Variants in CSMD3 observed in about 807,000 individuals in gnomAD.
CSMD3 encodes CUB and Sushi multiple domains 3.
Under a neutral mutation model 435.2 loss-of-function variants are expected in CSMD3, and 177 were observed. The ratio of observed to expected loss-of-function variants is 0.41; its 90% CI spans 0.36 to 0.46. The LOEUF (loss-of-function observed/expected upper bound fraction) is 0.46, where lower values mean the gene tolerates loss of function less well. Among genes scored for constraint, CSMD3 ranks in the 20% least tolerant of loss-of-function variants. CSMD3 has a pLI of 0.34. For synonymous variants in CSMD3, 1,656 were observed against 1,520.5 expected (o/e 1.09, Z -2.07); for missense variants, 4,265 against 4,504.6 (o/e 0.95, Z 1.52).
At chr8:112,975,772 GA>G in intron 7 of CSMD3, 64 bp downstream of exon 7, 2 of 1,609,404 alleles carry the variant, frequency 1.2e-6, no homozygotes, top group Admixed American at 3.3e-5. Flanking sequence ...TCTCTAATTA[GA>G]ATCATTACCA....
At chr8:112,920,047 A>G (rs1243631659) in intron 10 of CSMD3, among the ~76,000 whole-genome samples, 1 of 151,884 alleles carries the variant, frequency 6.6e-6, no homozygotes, top group Non-Finnish European at 1.5e-5. Context: ...ACCATTATTA[A>G]AAATAATAAC....
intron 3 of CSMD3, among the ~76,000 whole-genome samples, chr8:113,204,513 T>A (rs912996898): frequency 2.0e-4 from 31 of 152,118 alleles, no homozygotes; most frequent in Non-Finnish European, 4.6e-4. Context: ...GAACAATTTT[T>A]AAATAAATTT....
At chr8:113,244,603 C>T (rs1475889713) in intron 3 of CSMD3, among the ~76,000 whole-genome samples, 1 of 152,078 alleles carries the variant, frequency 6.6e-6, no homozygotes, top group Non-Finnish European at 1.5e-5. Context: ...TGTGAGCCAC[C>T]GCGCCTGGCC....
chr8:113,258,973 T>C (rs760724945), intron 3 of CSMD3, among the ~76,000 whole-genome samples: 25 of 152,142 alleles, frequency 1.6e-4, no homozygotes, highest in Non-Finnish European at 3.4e-4. Context: ...AATCCCAATG[T>C]TTTTGGATGT....
At position 112,747,880 on chromosome 8, in the gene CSMD3, G is replaced by A. The variant is rs1356664916; in HGVS notation, c.1972+52282C>T. On this transcript the variant is annotated intron_variant, in intron 13 of 70. Coordinates refer to ENST00000297405, the MANE Select transcript of CSMD3 (RefSeq NM_198123.2). ...CGGGAGGCTGAGGCAGGAGAATGGC[G>A]TGAACCCGGAAGGCGGAGCTTGCAG... Among the ~76,000 whole-genome samples the A allele has an allele frequency of 1.3e-5, 2 of 149,888 alleles. 1 individual carries two copies. Among genetic ancestry groups the A allele is most frequent in the Admixed American group, 1.3e-4 (2 of 14,966 alleles).
At chr8:112,368,589 C>T (rs1227454051) in intron 38 of CSMD3, among the ~76,000 whole-genome samples, 1 of 152,074 alleles carries the variant, frequency 6.6e-6, no homozygotes. Context: ...AGCACCTACA[C>T]CTAGAAAATG....
chr8:113,047,456 AC>A (rs528566208), intron 5 of CSMD3, among the ~76,000 whole-genome samples: 262 of 152,340 alleles, frequency 1.7e-3, no homozygotes, highest in African/African-American at 5.8e-3. Flanking sequence ...AAAGTCAACC[AC>A]ATAGACAGTA....
At chr8:112,283,320 G>T (rs1316862460) in intron 58 of CSMD3, among the ~76,000 whole-genome samples, 4 of 151,500 alleles carry the variant, frequency 2.6e-5, no homozygotes, top group African/African-American at 9.7e-5. Flanking sequence ...TTCTTTTGTT[G>T]CTAGAGAGAA....
chr8:112,380,717 T>A (rs1829395352), intron 37 of CSMD3, among the ~76,000 whole-genome samples: 1 of 152,200 alleles, frequency 6.6e-6, no homozygotes, highest in Non-Finnish European at 1.5e-5. Context: ...TTGTGAAAGT[T>A]AAAGCTATAC....
chr8:112,736,252 A>G (rs940812579), intron 13 of CSMD3, among the ~76,000 whole-genome samples: 2 of 152,008 alleles, frequency 1.3e-5, no homozygotes, highest in African/African-American at 4.8e-5. Context: ...CCACACTGCC[A>G]GTAGAGTTAG....
chr8:112,502,946 A>G (rs963017280), intron 30 of CSMD3, among the ~76,000 whole-genome samples: 3 of 152,192 alleles, frequency 2.0e-5, no homozygotes, highest in Non-Finnish European at 4.4e-5. Flanking sequence ...CTATAGACAT[A>G]AACTATAAAA....
intron 12 of CSMD3, among the ~76,000 whole-genome samples, chr8:112,811,072 A>C (rs1008367006): frequency 3.9e-5 from 6 of 152,016 alleles, no homozygotes; most frequent in Non-Finnish European, 8.8e-5. Flanking sequence ...AATACAATAA[A>C]TTTATAAATT....
chr8:112,310,601 C>CA (rs1490249147), intron 50 of CSMD3: 4 of 259,786 alleles, frequency 1.5e-5, no homozygotes. Flanking sequence ...GAGTGAAACT[C>CA]AGTCTTCAGT....
At chr8:112,379,786 CA>C (rs1373014250) in intron 38 of CSMD3, among the ~76,000 whole-genome samples, 1 of 152,050 alleles carries the variant, frequency 6.6e-6, no homozygotes, top group Non-Finnish European at 1.5e-5. Context: ...ATACGGTTAC[CA>C]AAACAGTGTA....
intron 4 of CSMD3, among the ~76,000 whole-genome samples, chr8:113,142,423 C>G (rs572808895): frequency 6.6e-6 from 1 of 151,150 alleles, no homozygotes; most frequent in Non-Finnish European, 1.5e-5. Context: ...GGTACAGACA[C>G]ACAGATCAAT....
intron 32 of CSMD3, among the ~76,000 whole-genome samples, chr8:112,431,899 A>C (rs932235591): frequency 2.0e-5 from 3 of 152,062 alleles, no homozygotes; most frequent in African/African-American, 7.2e-5. Context: ...TAATTTCCAC[A>C]CCTCTATGCA....
chr8:112,739,115 G>A (rs2077247590), intron 13 of CSMD3, among the ~76,000 whole-genome samples: 1 of 151,668 alleles, frequency 6.6e-6, no homozygotes, highest in South Asian at 2.1e-4. Flanking sequence ...AACACTGAGT[G>A]TAAGGGCGAA....
At chr8:113,003,128 C>A (rs2085927250) in intron 6 of CSMD3, among the ~76,000 whole-genome samples, 1 of 152,024 alleles carries the variant, frequency 6.6e-6, no homozygotes, top group African/African-American at 2.4e-5. Context: ...GCCTATAATT[C>A]CAGCTACTTG....
chr8:112,583,237 T>C (rs975410539), intron 23 of CSMD3, among the ~76,000 whole-genome samples: 1 of 151,960 alleles, frequency 6.6e-6, no homozygotes, highest in Non-Finnish European at 1.5e-5. Context: ...CGTCCTTGAG[T>C]AACTAGTTTC....
Sources: allele counts gnomAD v4.1 joint callset (sites outside exome capture counted in the v4.1 genomes callset), GRCh38; gene constraint gnomAD v4.1.1; transcripts MANE v1.5; gene names NCBI Gene and HGNC (gene_info 2026-07-23, HGNC 2026-07-21).